CHRM5: variants seen among roughly 807,000 people sequenced by gnomAD.
The protein encoded by CHRM5 is cholinergic receptor muscarinic 5.
CHRM5 carries 18 observed loss-of-function variants against 39.0 expected under a neutral mutation model. That is an observed-to-expected ratio of 0.46 (90% CI 0.32 to 0.68). The LOEUF (loss-of-function observed/expected upper bound fraction) is 0.68. Ranked by LOEUF, CHRM5 falls within the 30% of genes least tolerant of loss-of-function variation. The probability of loss-of-function intolerance (pLI) is 0.04; values close to 1 mark genes in which losing one functional copy is unlikely to be tolerated. For synonymous variants in CHRM5, 241 were observed against 246.3 expected, an observed-to-expected ratio of 0.98 and a Z score of 0.20; for missense variants, 515 against 651.1, an observed-to-expected ratio of 0.79 and a Z score of 2.28.
intron 1 of CHRM5, among the ~76,000 whole-genome samples, chr15:33,979,118 A>G (rs1896022509): frequency 6.6e-6 from 1 of 152,182 alleles, no homozygotes. Context: ...TCTGCATATC[A>G]ATTTGATTAT....
chr15:34,038,566 G>C (rs1899269658), intron 1 of CHRM5, among the ~76,000 whole-genome samples: 1 of 151,548 alleles, frequency 6.6e-6, no homozygotes, highest in African/African-American at 2.4e-5. Flanking sequence ...GCGCCAGCCC[G>C]GCCAGGAGGC....
intron 1 of CHRM5, among the ~76,000 whole-genome samples, chr15:33,995,478 G>T (rs1896895780): frequency 6.6e-6 from 1 of 152,214 alleles, no homozygotes; most frequent in Non-Finnish European, 1.5e-5. Flanking sequence ...CAGAGACTTA[G>T]CATTCCTAGA....
intron 1 of CHRM5, among the ~76,000 whole-genome samples, chr15:34,038,122 A>AAATTTCAAT (rs1338991827): frequency 6.6e-6 from 1 of 152,198 alleles, no homozygotes; most frequent in Non-Finnish European, 1.5e-5. Flanking sequence ...CTGCTCATTT[A>AAATTTCAAT]TAAATTGAAA....
rs1463216303 is a variant in CHRM5, at chr15:34,065,576, G to A, written c.*1260G>A. The A allele has an allele frequency of 6.6e-6, 1 of 152,130 alleles. No homozygotes were observed. Among genetic ancestry groups the A allele is most frequent in the African/African-American group, 2.4e-5 (1 of 41,416 alleles). The allele number at this position is 152,130 out of a possible 1,614,324, so 9.4% of individuals were successfully genotyped here. A position where few individuals can be genotyped will look rare whatever the true frequency, so the allele number is the denominator to read the frequency against. On this transcript the variant is annotated 3_prime_UTR_variant, in exon 3 of 3. Coordinates refer to ENST00000383263, the MANE Select transcript of CHRM5 (RefSeq NM_012125.4). ...AGAAGGCCAGAAAAGCACACTTGAGGGTGCGATGAAGCTGAAAATGATCTG... is the reference window on the plus strand; with the variant it reads ...AGAAGGCCAGAAAAGCACACTTGAGAGTGCGATGAAGCTGAAAATGATCTG...
At chr15:34,056,363 T>C (rs931113681) in intron 2 of CHRM5, among the ~76,000 whole-genome samples, 1 of 152,232 alleles carries the variant, frequency 6.6e-6, no homozygotes, top group Admixed American at 6.5e-5. Context: ...CATTGTTTTT[T>C]ACTAAAATGC....
intron 1 of CHRM5, among the ~76,000 whole-genome samples, chr15:34,026,996 C>T (rs1157117630): frequency 7.3e-6 from 1 of 136,310 alleles, no homozygotes; most frequent in Non-Finnish European, 1.6e-5. Context: ...ATGGCTGCTT[C>T]AAAAAATAGA....
intron 1 of CHRM5, among the ~76,000 whole-genome samples, chr15:34,020,329 A>G (rs1398322056): frequency 6.6e-6 from 1 of 152,208 alleles, no homozygotes. Flanking sequence ...AAGAAAAAAA[A>G]ATAGAGGTTT....
chr15:34,014,537 A>G (rs1463623940), intron 1 of CHRM5, among the ~76,000 whole-genome samples: 1 of 152,148 alleles, frequency 6.6e-6, no homozygotes, highest in Non-Finnish European at 1.5e-5. Context: ...GTGACAAAGT[A>G]TCTCCACAAA....
chr15:34,022,024 T>C (rs1898224043), intron 1 of CHRM5, among the ~76,000 whole-genome samples: 1 of 152,220 alleles, frequency 6.6e-6, no homozygotes, highest in South Asian at 2.1e-4. Flanking sequence ...GTGCAAATAT[T>C]TTGTAGATGG....
At position 34,063,481 on chromosome 15, in the gene CHRM5, G is replaced by A. The variant is rs376737817; in HGVS notation, c.764G>A (p.Arg255His). 37 of 1,613,756 alleles carry A rather than the reference G, an allele frequency of 2.3e-5. No homozygotes were observed. In the South Asian group the frequency reaches 3.6e-4, roughly 16 times the overall value. The change falls in exon 3 of 3, where the codon CGC becomes CAC. Residue 255 changes from arginine to histidine, a missense_variant. Arg to His is a conservative substitution (Grantham distance 29). Transcript: ENST00000383263. This position sits in a 1 kb window ranked among gnomAD's most constrained non-coding sequence, Gnocchi z 4.1. ...AHRALFRSCL[R>H]CPRPTLAQRE... ...AGGGCTCTGTTCAGATCCTGCTTGC[G>A]CTGTCCTCGACCCACCCTGGCCCAG...
At chr15:34,019,362 T>A (rs1424361126) in intron 1 of CHRM5, among the ~76,000 whole-genome samples, 4 of 152,222 alleles carry the variant, frequency 2.6e-5, no homozygotes, top group Non-Finnish European at 4.4e-5. Context: ...CTAAGTGTTA[T>A]TACAAGAGTC....
chr15:34,055,576 C>T (rs139272194), intron 2 of CHRM5, among the ~76,000 whole-genome samples: 3,596 of 151,704 alleles, frequency 0.024, 75 homozygotes, highest in African/African-American at 0.051. Flanking sequence ...CTGAGGTGGG[C>T]GGATCATGAG....
chr15:34,053,897 C>A (rs549638364), intron 2 of CHRM5, among the ~76,000 whole-genome samples: 2 of 152,192 alleles, frequency 1.3e-5, no homozygotes, highest in South Asian at 4.1e-4. Context: ...AGACAACTTA[C>A]AGAATGGGAG....
Position 34,063,457 on chromosome 15 carries a change from G to C in CHRM5, c.740G>C (p.Arg247Thr). ...TKAEKRKPAH[R>T]ALFRSCLRCP... ...GCTGAGAAGAGAAAGCCAGCTCATA[G>C]GGCTCTGTTCAGATCCTGCTTGCGC... Residue 247 changes from arginine (R) to threonine (T), a missense_variant, in exon 3 of 3, where the codon AGG becomes ACG. By Grantham distance (71) the Arg-to-Thr change is moderately conservative (BLOSUM62 -1). Coordinates refer to ENST00000383263, the MANE Select transcript of CHRM5 (RefSeq NM_012125.4). This position sits in a 1 kb window ranked among gnomAD's most constrained non-coding sequence, Gnocchi z 4.1. 1 of 1,613,838 alleles carries C rather than the reference G, an allele frequency of 6.2e-7. No homozygotes were observed. The highest frequency in any genetic ancestry group is 8.5e-7 in the Non-Finnish European group (1 of 1,180,040).
intron 1 of CHRM5, among the ~76,000 whole-genome samples, chr15:34,022,243 T>G (rs1418288995): frequency 6.6e-6 from 1 of 152,172 alleles, no homozygotes; most frequent in Non-Finnish European, 1.5e-5. Flanking sequence ...CCTGACAATT[T>G]TAACCAGAAT....
intron 2 of CHRM5, among the ~76,000 whole-genome samples, chr15:34,060,673 C>T (rs1332222112): frequency 1.3e-5 from 2 of 152,162 alleles, no homozygotes; most frequent in African/African-American, 4.8e-5. Flanking sequence ...GTCAGGAGTT[C>T]GAGACCAGTC....
At chr15:34,003,288 T>C in intron 1 of CHRM5, 2 of 1,236,816 alleles carry the variant, frequency 1.6e-6, no homozygotes, top group Non-Finnish European at 2.3e-6. Context: ...AACAAAAAAG[T>C]ACATGGACAT....
chr15:34,018,689 C>T (rs917006590), intron 1 of CHRM5, among the ~76,000 whole-genome samples: 1 of 152,224 alleles, frequency 6.6e-6, no homozygotes, highest in African/African-American at 2.4e-5. Context: ...TGGGTTGCTG[C>T]TGCTGGCTGG....
intron 1 of CHRM5, among the ~76,000 whole-genome samples, chr15:33,986,696 A>T (rs1441746958): frequency 2.6e-5 from 4 of 151,928 alleles, no homozygotes; most frequent in Non-Finnish European, 5.9e-5. Flanking sequence ...TCACTCTGTC[A>T]CCTAGGCTTG....
Sources: gnomAD v4.1 joint callset for allele counts (sites outside exome capture counted in the v4.1 genomes callset) on GRCh38, gnomAD v4.1.1 for gene constraint, Gnocchi (gnomAD v3.1) non-coding constraint, MANE v1.5 for transcripts, NCBI Gene and HGNC (gene_info 2026-07-23, HGNC 2026-07-21) for gene names.